MYT1L: variants seen among roughly 807,000 people sequenced by gnomAD.
MYT1L encodes the protein myelin transcription factor 1-like protein.
A neutral mutation model predicts 126.7 loss-of-function variants in MYT1L; 12 were observed. That is an observed-to-expected ratio of 0.09 (90% confidence interval 0.06 to 0.15). MYT1L has a LOEUF of 0.15. Among genes scored for constraint, MYT1L ranks in the 10% least tolerant of loss-of-function variants. The pLI is 1.00. For synonymous variants in MYT1L, 541 were observed against 604.2 expected, an observed-to-expected ratio of 0.90 and a Z score of 1.53; for missense variants, 979 against 1,585.2, an observed-to-expected ratio of 0.62 and a Z score of 6.49.
At chr2:1,947,379 T>C (rs1031705299) in intron 8 of MYT1L, among the ~76,000 whole-genome samples, 1 of 152,200 alleles carries the variant, frequency 6.6e-6, no homozygotes, top group Non-Finnish European at 1.5e-5. Context: ...TGAGCACAAC[T>C]GGGCTTCACT....
intron 18 of MYT1L, among the ~76,000 whole-genome samples, chr2:1,860,193 G>A (rs546628357): frequency 1.3e-5 from 2 of 152,332 alleles, no homozygotes; most frequent in South Asian, 2.1e-4. Context: ...TTCACTTAAC[G>A]GGATGTGTCC....
intron 2 of MYT1L, among the ~76,000 whole-genome samples, chr2:2,216,362 G>A (rs143497384): frequency 0.012 from 1,773 of 152,184 alleles, 17 homozygotes; most frequent in Non-Finnish European, 0.016. Flanking sequence ...AAAGTTTTTA[G>A]AAAATTACCC....
chr2:2,271,735 G>A (rs2095267389), intron 2 of MYT1L, among the ~76,000 whole-genome samples: 1 of 152,146 alleles, frequency 6.6e-6, no homozygotes, highest in South Asian at 2.1e-4. Flanking sequence ...CACTCGCCCT[G>A]TCCTCACTCT....
chr2:1,938,842 G>A (rs1485632854), intron 9 of MYT1L, among the ~76,000 whole-genome samples: 19 of 152,152 alleles, frequency 1.2e-4, no homozygotes, highest in Admixed American at 1.2e-3. Flanking sequence ...CAATGCTGGA[G>A]GATCCTTGAA....
intron 2 of MYT1L, among the ~76,000 whole-genome samples, chr2:2,185,579 G>C (rs111408754): frequency 0.033 from 4,816 of 144,876 alleles, 195 homozygotes; most frequent in Non-Finnish European, 0.053. Context: ...CTTCCGTGAG[G>C]GGGACGCAGC....
At chr2:1,950,380 T>C (rs2057634166) in intron 8 of MYT1L, among the ~76,000 whole-genome samples, 1 of 152,182 alleles carries the variant, frequency 6.6e-6, no homozygotes, top group South Asian at 2.1e-4. Context: ...GATTGATTTA[T>C]TCCTTTATTT....
At chr2:1,850,339 C>T (rs2043107690) in intron 19 of MYT1L, among the ~76,000 whole-genome samples, 1 of 151,788 alleles carries the variant, frequency 6.6e-6, no homozygotes, top group Non-Finnish European at 1.5e-5. Flanking sequence ...ACTTTATAAG[C>T]TAAAATTTAG....
chr2:1,916,771 A>T (rs1407256976), intron 11 of MYT1L, among the ~76,000 whole-genome samples: 1 of 152,246 alleles, frequency 6.6e-6, no homozygotes, highest in Non-Finnish European at 1.5e-5. Context: ...CATTTGGATG[A>T]TGTACAGAAA....
intron 1 of MYT1L, among the ~76,000 whole-genome samples, chr2:2,312,154 C>A (rs958669660): frequency 1.3e-5 from 2 of 152,188 alleles, no homozygotes; most frequent in Non-Finnish European, 2.9e-5. Context: ...GCTCCTCATG[C>A]TCCCTTGGCC....
intron 4 of MYT1L, among the ~76,000 whole-genome samples, chr2:2,003,028 A>G (rs1360002061): frequency 1.3e-5 from 2 of 152,130 alleles, no homozygotes; most frequent in Non-Finnish European, 2.9e-5. Flanking sequence ...GTGTCCTTGT[A>G]GCAGCATGAG....
At chr2:1,865,023 C>G (rs766101674) in intron 18 of MYT1L, among the ~76,000 whole-genome samples, 2 of 152,192 alleles carry the variant, frequency 1.3e-5, no homozygotes, top group African/African-American at 2.4e-5. Context: ...GGATGCTGCT[C>G]TATGGGCCCC....
chr2:2,153,322 C>G (rs112497773), intron 3 of MYT1L, among the ~76,000 whole-genome samples: 62 of 152,256 alleles, frequency 4.1e-4, no homozygotes, highest in African/African-American at 1.5e-3. Context: ...AGGTGATGGC[C>G]AAGCTCAGGT....
intron 3 of MYT1L, among the ~76,000 whole-genome samples, chr2:2,105,419 G>A (rs1364067653): frequency 1.3e-5 from 2 of 152,150 alleles, no homozygotes; most frequent in African/African-American, 4.8e-5. Flanking sequence ...AGTGATATCT[G>A]TTGCCCCCTC....
At chr2:1,876,036 CGTGCACATCT>C (rs1558241759) in intron 18 of MYT1L, among the ~76,000 whole-genome samples, 1 of 152,196 alleles carries the variant, frequency 6.6e-6, no homozygotes. Flanking sequence ...GTTCTGTCCA[CGTGCACATCT>C]GCGGTGAGGT....
At chr2:2,265,981 T>C (rs1431216211) in intron 2 of MYT1L, among the ~76,000 whole-genome samples, 1 of 152,036 alleles carries the variant, frequency 6.6e-6, no homozygotes, top group Non-Finnish European at 1.5e-5. Flanking sequence ...TAGCCTCCCA[T>C]AGAGGTTAGA....
intron 3 of MYT1L, among the ~76,000 whole-genome samples, chr2:2,146,209 A>C (rs1559142075): frequency 6.6e-6 from 1 of 152,250 alleles, no homozygotes; most frequent in Non-Finnish European, 1.5e-5. Context: ...AATTTGACTT[A>C]GTTATAAATG....
chr2:2,322,885 T>G (rs769483533), intron 1 of MYT1L, among the ~76,000 whole-genome samples: 5 of 152,204 alleles, frequency 3.3e-5, no homozygotes, highest in Admixed American at 6.5e-5. Context: ...TGAATCTGCT[T>G]GAAAACAATC....
chr2:2,245,982 A>C (rs954026572), intron 2 of MYT1L, among the ~76,000 whole-genome samples: 3 of 152,192 alleles, frequency 2.0e-5, no homozygotes, highest in Admixed American at 2.0e-4. Flanking sequence ...GCCAGCTTTG[A>C]TTTTAGCACA....
At chr2:2,227,568 G>T (rs1415661706) in intron 2 of MYT1L, among the ~76,000 whole-genome samples, 2 of 152,158 alleles carry the variant, frequency 1.3e-5, no homozygotes, top group Admixed American at 6.5e-5. Context: ...GCCCTGCACT[G>T]CTCCTGTCCT....
Sources: gnomAD v4.1 joint callset for allele counts (sites outside exome capture counted in the v4.1 genomes callset) on GRCh38, gnomAD v4.1.1 for gene constraint, MANE v1.5 for transcripts, NCBI Gene and HGNC (gene_info 2026-07-23, HGNC 2026-07-21) for gene names.